Variants in VSTM2A observed in about 807,000 individuals in gnomAD.
VSTM2A encodes V-set and transmembrane domain containing 2A.
VSTM2A carries 13 observed loss-of-function variants against 27.3 expected under a neutral mutation model. The ratio of observed to expected loss-of-function variants is 0.48; its 90% CI spans 0.31 to 0.76. VSTM2A has a LOEUF of 0.76. VSTM2A is among the 30% of genes least tolerant of loss of function. VSTM2A has a pLI of 0.05. For missense variants in VSTM2A, 280 were observed against 310.0 expected, an observed-to-expected ratio of 0.90 and a Z score of 0.73; for synonymous variants, 142 against 125.7, an observed-to-expected ratio of 1.13 and a Z score of -0.87.
chr7:54,553,044 A>T (rs1584053546), intron 4 of VSTM2A, among the ~76,000 whole-genome samples: 1 of 152,258 alleles, frequency 6.6e-6, no homozygotes, highest in South Asian at 2.1e-4. Flanking sequence ...AAATTTTCAT[A>T]CAATTAATTT....
rs534006228 is a variant in VSTM2A at position 54,563,457 on chromosome 7, G to T, written c.635-5674G>T. On this transcript the variant is annotated intron_variant, in intron 4 of 4. Transcript: ENST00000402613. ...CCATCATCCCATCTGCACAAAATCAGTTCTTGCTTGAATGGGTGTGCTACC... is the reference window on the plus strand; with the variant it reads ...CCATCATCCCATCTGCACAAAATCATTTCTTGCTTGAATGGGTGTGCTACC... Among the ~76,000 whole-genome samples, 10 of 152,300 alleles carry T rather than the reference G, an allele frequency of 6.6e-5. No homozygotes were observed. In the East Asian group the frequency reaches 1.9e-3, roughly 29 times the overall value.
chr7:54,562,966 A>C (rs1366959013), intron 4 of VSTM2A, among the ~76,000 whole-genome samples: 1 of 152,234 alleles, frequency 6.6e-6, no homozygotes, highest in African/African-American at 2.4e-5. Context: ...GCATTTTAGC[A>C]ACACTTGTCT....
intron 4 of VSTM2A, chr7:54,559,849 C>T (rs916342271): frequency 3.3e-4 from 50 of 151,726 alleles, no homozygotes; most frequent in East Asian, 2.5e-3. Context: ...CATGACATCA[C>T]GTGAAAAAAC....
At position 54,544,636 on chromosome 7, in the gene VSTM2A, T is replaced by C. The variant is rs982386489; in HGVS notation, c.94T>C (p.Phe32Leu). 3 of 1,612,732 alleles carry C rather than the reference T, an allele frequency of 1.9e-6. No individual in the cohort carries two copies. The highest frequency in any genetic ancestry group is 2.5e-6 in the Non-Finnish European group (3 of 1,179,856). Reference sequence around the variant, plus strand: ...CTGTTTTGCAGCAAAATTTACCGAGTTTCCGCGGAACGTGACGGCGACCGA... The same window carrying C: ...CTGTTTTGCAGCAAAATTTACCGAGCTTCCGCGGAACGTGACGGCGACCGA... ...GLSSQAKFTE[F>L]PRNVTATEGQ... Residue 32 changes from phenylalanine to leucine, a missense_variant, in exon 2 of 5, where the codon TTT becomes CTT. Coordinates refer to ENST00000402613, the MANE Select transcript of VSTM2A (RefSeq NM_001301009.2).
chr7:54,546,888 T>C, intron 2 of VSTM2A, 59 bp from the exon 3 acceptor site: 1 of 1,590,496 alleles, frequency 6.3e-7, no homozygotes, highest in Non-Finnish European at 8.5e-7. Flanking sequence ...TATGCTCGCG[T>C]GGGAGCGGGT....
At chr7:54,546,903 G>A (rs369582560) in intron 2 of VSTM2A, 44 bp from the exon 3 acceptor site, 1 of 1,592,740 alleles carries the variant, frequency 6.3e-7, no homozygotes, top group Non-Finnish European at 8.5e-7. Context: ...GCGGGTGGTC[G>A]GGCGGGCCTG....
chr7:54,547,916 C>T (rs977124864), intron 3 of VSTM2A, among the ~76,000 whole-genome samples: 2 of 152,034 alleles, frequency 1.3e-5, no homozygotes, highest in African/African-American at 4.8e-5. Context: ...GTTCTGTGAT[C>T]TAAATGTGTA....
chr7:54,557,103 T>G (rs1434962962), intron 4 of VSTM2A: 1 of 152,262 alleles, frequency 6.6e-6, no homozygotes, highest in Non-Finnish European at 1.5e-5. Context: ...GAGCTCCTTC[T>G]TCCAAGGACC....
chr7:54,553,664 A>G (rs545192262), intron 4 of VSTM2A, among the ~76,000 whole-genome samples: 1 of 152,232 alleles, frequency 6.6e-6, no homozygotes, highest in East Asian at 1.9e-4. Flanking sequence ...AGTTCATACA[A>G]GCAAATATGG....
intron 4 of VSTM2A, among the ~76,000 whole-genome samples, chr7:54,560,158 G>A (rs1418179868): frequency 3.3e-5 from 5 of 151,308 alleles, no homozygotes; most frequent in African/African-American, 1.2e-4. Flanking sequence ...CAAATAAAGA[G>A]AAGCAAAGTA....
In VSTM2A at chr7:54,542,785, G is replaced by A. The variant is rs757614643; in HGVS notation, c.55G>A (p.Val19Ile). The change falls in exon 1 of 5, where the codon GTA becomes ATA. Residue 19 changes from valine to isoleucine, a missense_variant. Transcript: ENST00000402613. ...VGFVFFSVLY[V>I]QQGLSSQAKF... is the part of the protein sequence containing the mutation. ...ATTTGTTTTCTTTTCCGTTTTATAT[G>A]TACAACAAGGGCTTTCTTCTCAAGG... The A allele has an allele frequency of 1.9e-6, 3 of 1,613,774 alleles. 1 individual carries two copies. In the South Asian group the frequency reaches 3.3e-5, roughly 18 times the overall value.
intron 2 of VSTM2A, among the ~76,000 whole-genome samples, chr7:54,545,730 AGG>A (rs1342651819): frequency 3.7e-4 from 37 of 100,468 alleles, no homozygotes; most frequent in Admixed American, 5.2e-4. Context: ...AAGGGGAAAA[AGG>A]GAGAGAGGGA....
chr7:54,554,217 T>C (rs779903982), intron 4 of VSTM2A: 1 of 1,352,574 alleles, frequency 7.4e-7, no homozygotes, highest in Non-Finnish European at 9.9e-7. Flanking sequence ...CCTGACACTC[T>C]TACCTCTCTT....
At chr7:54,554,928 G>A (rs1310349802) in intron 4 of VSTM2A, among the ~76,000 whole-genome samples, 1 of 152,236 alleles carries the variant, frequency 6.6e-6, no homozygotes, top group Admixed American at 6.5e-5. Flanking sequence ...AGTGAGGTTT[G>A]TTTCATGATA....
chr7:54,549,809 G>A (rs761116387), intron 3 of VSTM2A, 25 bp from the exon 4 acceptor site: 8 of 1,545,522 alleles, frequency 5.2e-6, no homozygotes, highest in Non-Finnish European at 6.1e-6. Flanking sequence ...GCACTTTATT[G>A]TTTTTTTTAC....
chr7:54,542,643 A>G lies in VSTM2A; in HGVS notation c.-88A>G. The G allele has an allele frequency of 8.2e-7, 1 of 1,213,536 alleles. No homozygotes were observed. Among genetic ancestry groups the G allele is most frequent in the Non-Finnish European group, 1.2e-6 (1 of 832,542 alleles). The allele number at this position is 1,213,536 out of a possible 1,614,324, so 75.2% of individuals were successfully genotyped here. ...TTGCAGTGTCGCGCCCAGGGCTCTG[A>G]GACTGAGCCTGCCATCCACTCGCAC... On this transcript the variant is annotated 5_prime_UTR_variant, in exon 1 of 5. An upstream open reading frame in the 5' UTR loses its in-frame stop. Coordinates refer to ENST00000402613, the MANE Select transcript of VSTM2A (RefSeq NM_001301009.2).
intron 4 of VSTM2A, among the ~76,000 whole-genome samples, chr7:54,564,375 G>T (rs1443807785): frequency 6.6e-6 from 1 of 152,168 alleles, no homozygotes; most frequent in Non-Finnish European, 1.5e-5. Context: ...AGAAAGAAGA[G>T]AAAAGCTGAT....
intron 4 of VSTM2A, 52 bp from the exon 5 acceptor site, chr7:54,569,079 G>A: frequency 6.2e-7 from 1 of 1,604,396 alleles, no homozygotes; most frequent in Non-Finnish European, 8.5e-7. Context: ...AGGGTGCTTT[G>A]CTTTAATCTA....
intron 4 of VSTM2A, among the ~76,000 whole-genome samples, chr7:54,564,887 G>A (rs1057121995): frequency 6.6e-6 from 1 of 152,166 alleles, no homozygotes; most frequent in Non-Finnish European, 1.5e-5. Flanking sequence ...AAGAAATTTG[G>A]TACATTACAA....
Sources: gnomAD v4.1 joint callset for allele counts (sites outside exome capture counted in the v4.1 genomes callset) on GRCh38, gnomAD v4.1.1 for gene constraint, MANE v1.5 for transcripts, NCBI Gene and HGNC (gene_info 2026-07-23, HGNC 2026-07-21) for gene names.